Variants in TBC1D5 observed in about 807,000 individuals in gnomAD.
TBC1D5 encodes TBC1 domain family, member 5.
TBC1D5 carries 75 observed loss-of-function variants against 100.3 expected under a neutral mutation model. That is an observed-to-expected ratio of 0.75 (90% confidence interval 0.62 to 0.91). The LOEUF (loss-of-function observed/expected upper bound fraction) is 0.91. TBC1D5 is among the 40% of genes least tolerant of loss of function. The pLI is 0.00. For missense variants in TBC1D5, 910 were observed against 942.4 expected (o/e 0.97, Z 0.45); for synonymous variants, 323 against 325.6 (o/e 0.99, Z 0.09).
At chr3:17,409,811 A>C (rs2093873668) in intron 4 of TBC1D5, among the ~76,000 whole-genome samples, 1 of 152,174 alleles carries the variant, frequency 6.6e-6, no homozygotes, top group South Asian at 2.1e-4. Context: ...GCTGCCAAAG[A>C]AAAGTTGGAA....
chr3:17,608,250 C>G (rs1285769246), intron 2 of TBC1D5, among the ~76,000 whole-genome samples: 1 of 152,140 alleles, frequency 6.6e-6, no homozygotes, highest in Non-Finnish European at 1.5e-5. Context: ...GAGCGAGACT[C>G]TGTCTCAAAA....
At chr3:17,399,352 G>C (rs532153782) in intron 8 of TBC1D5, among the ~76,000 whole-genome samples, 4 of 152,066 alleles carry the variant, frequency 2.6e-5, no homozygotes, top group Non-Finnish European at 4.4e-5. Context: ...GTAAGTGACT[G>C]TGGGCAGGAG....
chr3:17,497,868 T>A (rs985219159), intron 3 of TBC1D5, among the ~76,000 whole-genome samples: 20 of 152,160 alleles, frequency 1.3e-4, no homozygotes, highest in African/African-American at 4.8e-4. Context: ...TGTAGATAAA[T>A]CAAAGCTAGT....
intron 4 of TBC1D5, among the ~76,000 whole-genome samples, chr3:17,417,073 G>GT (rs1470453123): frequency 1.3e-5 from 2 of 152,164 alleles, no homozygotes; most frequent in African/African-American, 2.4e-5. Context: ...TTTGGAGATT[G>GT]TAAGTTTATT....
intron 2 of TBC1D5, among the ~76,000 whole-genome samples, chr3:17,609,748 G>A (rs1478683612): frequency 6.6e-6 from 1 of 152,142 alleles, no homozygotes. Flanking sequence ...CAACACCCAA[G>A]AGACACGTTG....
At chr3:17,731,214 G>C (rs1268159190) in intron 1 of TBC1D5, among the ~76,000 whole-genome samples, 1 of 152,042 alleles carries the variant, frequency 6.6e-6, no homozygotes, top group African/African-American at 2.4e-5. Context: ...AGAAGAGGGG[G>C]TCATGAGGCT....
chr3:17,427,917 A>G (rs1019375134), intron 4 of TBC1D5, among the ~76,000 whole-genome samples: 3 of 151,956 alleles, frequency 2.0e-5, no homozygotes, highest in Non-Finnish European at 4.4e-5. Context: ...GGTAAAATAC[A>G]TATTTTCTTA....
At chr3:17,533,961 T>TTC (rs965379154) in intron 2 of TBC1D5, among the ~76,000 whole-genome samples, 33 of 151,960 alleles carry the variant, frequency 2.2e-4, no homozygotes, top group African/African-American at 7.0e-4. Context: ...AAGTATGTGA[T>TTC]TCTCTCTCTC....
chr3:17,272,367 A>G (rs1171692796), intron 15 of TBC1D5, among the ~76,000 whole-genome samples: 1 of 152,254 alleles, frequency 6.6e-6, no homozygotes, highest in Non-Finnish European at 1.5e-5. Flanking sequence ...AGAAAGAATT[A>G]GCTCATTTAT....
intron 3 of TBC1D5, among the ~76,000 whole-genome samples, chr3:17,432,342 C>A (rs2094459490): frequency 1.3e-5 from 2 of 151,940 alleles, no homozygotes; most frequent in South Asian, 2.1e-4. Context: ...CTTTAAAATC[C>A]TTTAAAAAAA....
intron 1 of TBC1D5, among the ~76,000 whole-genome samples, chr3:17,642,361 C>T (rs374973732): frequency 1.3e-5 from 2 of 151,968 alleles, no homozygotes; most frequent in East Asian, 1.9e-4. Flanking sequence ...GTGATCTTTA[C>T]AAACCATATA....
intron 1 of TBC1D5, among the ~76,000 whole-genome samples, chr3:17,713,735 A>G (rs999757341): frequency 8.0e-4 from 122 of 152,362 alleles, no homozygotes; most frequent in African/African-American, 2.9e-3. Context: ...CTGAATACAC[A>G]TATCTCCAAA....
chr3:17,714,535 T>C (rs1296281056), intron 1 of TBC1D5, among the ~76,000 whole-genome samples: 2 of 152,242 alleles, frequency 1.3e-5, no homozygotes, highest in Non-Finnish European at 1.5e-5. Context: ...CTTCTTCTGT[T>C]TGCTGGGTTT....
chr3:17,538,472 G>A lies in TBC1D5; in HGVS notation c.-35-29867C>T, dbSNP rs548885576. Reference sequence around the variant, plus strand: ...AAATCCCAAGTCAAGGGATGAACAGGGCACTTGGATCTTGCAAGTCACCTG... The same window carrying A: ...AAATCCCAAGTCAAGGGATGAACAGAGCACTTGGATCTTGCAAGTCACCTG... On this transcript the variant is annotated intron_variant, in intron 2 of 21. Transcript: ENST00000253692. 4.6e-5 allele frequency among the ~76,000 whole-genome samples: 7 copies of A among 152,226 alleles called. No homozygotes were observed. In the South Asian group the frequency reaches 1.5e-3, roughly 32 times the overall value.
intron 1 of TBC1D5, among the ~76,000 whole-genome samples, chr3:17,725,471 C>T (rs576431183): frequency 1.1e-4 from 16 of 151,518 alleles, no homozygotes; most frequent in African/African-American, 3.9e-4. Flanking sequence ...AATTTTGGTT[C>T]GCTCATACTC....
At chr3:17,525,203 C>T (rs990675665) in intron 2 of TBC1D5, among the ~76,000 whole-genome samples, 2 of 152,090 alleles carry the variant, frequency 1.3e-5, no homozygotes, top group African/African-American at 4.8e-5. Flanking sequence ...GATCTCGGCT[C>T]ACTGCAACCT....
chr3:17,716,585 T>A (rs2075260630), intron 1 of TBC1D5, among the ~76,000 whole-genome samples: 4 of 152,060 alleles, frequency 2.6e-5, no homozygotes, highest in Admixed American at 2.6e-4. Flanking sequence ...TAGTTTTTTT[T>A]AACAATGTAA....
chr3:17,533,294 C>T (rs2096251487), intron 2 of TBC1D5, among the ~76,000 whole-genome samples: 1 of 150,802 alleles, frequency 6.6e-6, no homozygotes, highest in Non-Finnish European at 1.5e-5. Flanking sequence ...ATAAAAATAC[C>T]CAAGCTGGTT....
At chr3:17,574,867 A>G (rs1349382555) in intron 2 of TBC1D5, among the ~76,000 whole-genome samples, 3 of 152,112 alleles carry the variant, frequency 2.0e-5, no homozygotes, top group Non-Finnish European at 4.4e-5. Context: ...ACTGGCTTCC[A>G]TATCCCAGAT....
Sources: allele counts gnomAD v4.1 joint callset (sites outside exome capture counted in the v4.1 genomes callset), GRCh38; gene constraint gnomAD v4.1.1; transcripts MANE v1.5; gene names NCBI Gene and HGNC (gene_info 2026-07-23, HGNC 2026-07-21).